COLEC10: variants seen among roughly 807,000 people sequenced by gnomAD.
COLEC10 encodes collectin-10.
Under a neutral mutation model 28.4 loss-of-function variants are expected in COLEC10, and 22 were observed. The observed-to-expected ratio is 0.78, with a 90% CI of 0.55 to 1.11. COLEC10 has a LOEUF of 1.11. COLEC10 is among the 50% of genes least tolerant of loss of function. COLEC10 has a pLI of 0.00. For missense variants in COLEC10, 361 were observed against 344.1 expected (o/e 1.05, Z -0.39); for synonymous variants, 125 against 116.1 (o/e 1.08, Z -0.49).
the COLEC10 span, among the ~76,000 whole-genome samples, chr8:118,968,138 A>G: frequency 6.6e-6 from 1 of 152,116 alleles, no homozygotes; most frequent in East Asian, 1.9e-4. Context: ...TTTTTTTTAA[A>G]TACAAGTAAG....
At chr8:119,037,873 T>G (rs559933517) in intron 2 of COLEC10, among the ~76,000 whole-genome samples, 77 of 152,358 alleles carry the variant, frequency 5.1e-4, no homozygotes, top group Non-Finnish European at 9.0e-4. Flanking sequence ...TTCCATCTAA[T>G]TGTACTTTTT....
intron 2 of COLEC10, among the ~76,000 whole-genome samples, chr8:119,048,949 T>A (rs1439250244): frequency 1.3e-5 from 2 of 152,166 alleles, no homozygotes; most frequent in African/African-American, 4.8e-5. Flanking sequence ...TGGGTTTAAG[T>A]GTGTTTTTGT....
intron 1 of COLEC10, among the ~76,000 whole-genome samples, chr8:119,073,745 A>C (rs979286171): frequency 6.6e-6 from 1 of 152,028 alleles, no homozygotes; most frequent in Non-Finnish European, 1.5e-5. Flanking sequence ...AATGATAAAA[A>C]ATGATTTGTT....
chr8:119,108,382 T>C lies in COLEC10; in HGVS notation c.*2191T>C, dbSNP rs1457668357. On this transcript the variant is annotated 3_prime_UTR_variant, in exon 6 of 6. Coordinates refer to ENST00000332843, the MANE Select transcript of COLEC10 (RefSeq NM_006438.5). ...TGATTTGTTCTAAGCCCCCAAAGTA[T>C]GAGTATTTATTGTGTGCACTGTTAG... 6.6e-6 allele frequency among the ~76,000 whole-genome samples: 1 copy of C among 152,212 alleles called. No individual in the cohort carries two copies. Among genetic ancestry groups the C allele is most frequent in the Non-Finnish European group, 1.5e-5 (1 of 68,040 alleles).
the COLEC10 span, among the ~76,000 whole-genome samples, chr8:118,966,473 A>T: frequency 6.6e-6 from 1 of 152,158 alleles, no homozygotes; most frequent in Non-Finnish European, 1.5e-5. Context: ...ATAATTTTGT[A>T]TGAAGTAATG....
chr8:118,981,620 G>T, the COLEC10 span, among the ~76,000 whole-genome samples: 19 of 151,806 alleles, frequency 1.3e-4, no homozygotes, highest in Non-Finnish European at 2.2e-4. Context: ...TTTCTTCAGG[G>T]GGCATTTCCA....
the COLEC10 span, among the ~76,000 whole-genome samples, chr8:118,957,821 T>C: frequency 6.6e-6 from 1 of 152,140 alleles, no homozygotes; most frequent in South Asian, 2.1e-4. Context: ...ACCACCATTA[T>C]GCTAGGTAAC....
At chr8:119,007,750 A>C (rs1027376872) in intron 1 of COLEC10, among the ~76,000 whole-genome samples, 3 of 151,024 alleles carry the variant, frequency 2.0e-5, no homozygotes, top group African/African-American at 7.4e-5. Flanking sequence ...AAAATTTTTA[A>C]AAAGGCTGAG....
chr8:119,095,366 C>A (rs1036737823), intron 3 of COLEC10, among the ~76,000 whole-genome samples: 1 of 152,242 alleles, frequency 6.6e-6, no homozygotes, highest in East Asian at 1.9e-4. Context: ...TATGCCAGTT[C>A]TTTCCCAGAT....
chr8:119,096,773 A>T (rs1440618614), intron 3 of COLEC10, among the ~76,000 whole-genome samples: 1 of 152,034 alleles, frequency 6.6e-6, no homozygotes, highest in Non-Finnish European at 1.5e-5. Context: ...CAAAGAAATA[A>T]AAAAGGTCAA....
the COLEC10 span, chr8:118,982,820 G>C: frequency 1.3e-5 from 2 of 152,236 alleles, no homozygotes; most frequent in African/African-American, 4.8e-5. Context: ...TCAGATCTTT[G>C]CGGATTCTGT....
intron 2 of COLEC10, among the ~76,000 whole-genome samples, chr8:119,020,065 C>G (rs1814065622): frequency 6.6e-6 from 1 of 152,168 alleles, no homozygotes; most frequent in African/African-American, 2.4e-5. Context: ...CAGGCAGTAG[C>G]TTTCTCATCT....
At chr8:119,096,092 G>A (rs1031858447) in intron 3 of COLEC10, among the ~76,000 whole-genome samples, 1 of 152,098 alleles carries the variant, frequency 6.6e-6, no homozygotes, top group African/African-American at 2.4e-5. Context: ...ACTTAACACT[G>A]TACCTAAAAT....
At chr8:119,058,495 C>A (rs997895446) in intron 2 of COLEC10, among the ~76,000 whole-genome samples, 2 of 151,994 alleles carry the variant, frequency 1.3e-5, no homozygotes, top group African/African-American at 4.8e-5. Flanking sequence ...CTAGAAATTT[C>A]ATATAAAAGG....
At chr8:119,000,130 A>T (rs1394594138) in intron 1 of COLEC10, among the ~76,000 whole-genome samples, 1 of 152,200 alleles carries the variant, frequency 6.6e-6, no homozygotes, top group Non-Finnish European at 1.5e-5. Context: ...CACCTATTCC[A>T]TTATAACAGG....
At chr8:119,015,879 A>G (rs1441697743) in intron 2 of COLEC10, among the ~76,000 whole-genome samples, 1 of 152,156 alleles carries the variant, frequency 6.6e-6, no homozygotes, top group Non-Finnish European at 1.5e-5. Context: ...TTTGCTTTAT[A>G]TATTGGTTAT....
chr8:119,011,934 G>A (rs1302430673), intron 2 of COLEC10, among the ~76,000 whole-genome samples: 1 of 150,664 alleles, frequency 6.6e-6, no homozygotes, highest in Non-Finnish European at 1.5e-5. Flanking sequence ...CTTCTCTACA[G>A]TATGTCTTTT....
chr8:118,970,990 C>T, the COLEC10 span, among the ~76,000 whole-genome samples: 1 of 152,092 alleles, frequency 6.6e-6, no homozygotes, highest in Non-Finnish European at 1.5e-5. Context: ...CAGGTTAGGA[C>T]TATCTCTGTC....
the COLEC10 span, among the ~76,000 whole-genome samples, chr8:118,958,870 AC>A: frequency 6.6e-6 from 1 of 152,204 alleles, no homozygotes; most frequent in African/African-American, 2.4e-5. Flanking sequence ...CATTATACTA[AC>A]CAAGTATATA....
Sources: allele counts gnomAD v4.1 joint callset (sites outside exome capture counted in the v4.1 genomes callset), GRCh38; gene constraint gnomAD v4.1.1; transcripts MANE v1.5; gene names NCBI Gene and HGNC (gene_info 2026-07-23, HGNC 2026-07-21).